Variants in ADGRG7 observed in about 807,000 individuals in gnomAD.
ADGRG7 encodes adhesion G protein-coupled receptor G7.
In ADGRG7, 82 loss-of-function variants were observed where a neutral mutation model predicts 88.6. That is an observed-to-expected ratio of 0.93 (90% CI 0.77 to 1.11). The LOEUF is 1.11. Among genes scored for constraint, ADGRG7 ranks in the 50% most tolerant of loss-of-function variants. ADGRG7 has a pLI of 0.00. For missense variants in ADGRG7, 945 were observed against 953.4 expected, an observed-to-expected ratio of 0.99 and a Z score of 0.12; for synonymous variants, 381 against 345.2, an observed-to-expected ratio of 1.10 and a Z score of -1.15.
chr3:100,643,123 C>G (rs1576321724), intron 6 of ADGRG7, 143 bp from the exon 7 acceptor site: 8 of 740,318 alleles, frequency 1.1e-5, no homozygotes, highest in Non-Finnish European at 1.5e-5. Flanking sequence ...GAAAAGAAAA[C>G]CAATTATTCT....
At chr3:100,619,469 T>C (rs1270460813) in intron 1 of ADGRG7, among the ~76,000 whole-genome samples, 1 of 151,928 alleles carries the variant, frequency 6.6e-6, no homozygotes, top group Non-Finnish European at 1.5e-5. Flanking sequence ...AGATCTAAAA[T>C]TGACACCCTA....
At chr3:100,613,530 C>A (rs1330556910) in intron 1 of ADGRG7, among the ~76,000 whole-genome samples, 9 of 111,438 alleles carry the variant, frequency 8.1e-5, no homozygotes, top group African/African-American at 2.2e-4. Flanking sequence ...CATAACCACC[C>A]CCTAAATTAA....
chr3:100,661,620 T>C (rs1291396983), intron 14 of ADGRG7, among the ~76,000 whole-genome samples: 1 of 152,216 alleles, frequency 6.6e-6, no homozygotes, highest in Non-Finnish European at 1.5e-5. Context: ...TGAGATTATA[T>C]TGGACCATGG....
At chr3:100,658,983 CT>C (rs1235168361) in intron 13 of ADGRG7, among the ~76,000 whole-genome samples, 2 of 150,530 alleles carry the variant, frequency 1.3e-5, no homozygotes, top group Admixed American at 1.3e-4. Flanking sequence ...TAGGTGGTTA[CT>C]ATTATTCTCA....
intron 6 of ADGRG7, among the ~76,000 whole-genome samples, chr3:100,638,644 T>A (rs2149021805): frequency 6.6e-6 from 1 of 152,312 alleles, no homozygotes; most frequent in South Asian, 2.1e-4. Context: ...GGCCTGAAGG[T>A]TTCCCCCTGG....
intron 4 of ADGRG7, chr3:100,635,423 A>G: frequency 1.9e-6 from 1 of 523,584 alleles, no homozygotes; most frequent in Non-Finnish European, 2.9e-6. Context: ...GATACACTCT[A>G]GTAGCCCCAA....
chr3:100,651,439 C>A (rs891730322), intron 11 of ADGRG7, among the ~76,000 whole-genome samples: 3 of 152,190 alleles, frequency 2.0e-5, no homozygotes, highest in Non-Finnish European at 4.4e-5. Context: ...AGTTTCTTTG[C>A]CAAAACCTCA....
rs1287033554 is a variant in ADGRG7, at chr3:100,655,994, A to C, written c.1822A>C (p.Ile608Leu). Reference protein sequence around the residue: ...QWELDYRQEKICWLAIPEPNG... With the variant: ...QWELDYRQEKLCWLAIPEPNG... ...GGAATTAGACTACCGGCAAGAGAAA[A>C]TGTGAGTTTATATTTTTTTAAATGT... Residue 608 changes from isoleucine to leucine, a missense_variant and splice_region_variant, in exon 13 of 16, where the codon ATC becomes CTC. Ile to Leu is a conservative substitution (Grantham distance 5, BLOSUM62 2). Transcript: ENST00000273352. 6.3e-7 allele frequency: 1 copy of C among 1,584,940 alleles called. No homozygotes were observed. Among genetic ancestry groups the C allele is most frequent in the Admixed American group, 1.7e-5 (1 of 59,966 alleles).
intron 1 of ADGRG7, among the ~76,000 whole-genome samples, chr3:100,628,024 T>C (rs1707404691): frequency 6.6e-6 from 1 of 152,078 alleles, no homozygotes; most frequent in South Asian, 2.1e-4. Context: ...AAACTTTGAG[T>C]TTCTTTTCTA....
At chr3:100,690,389 C>A (rs1045185866) in intron 15 of ADGRG7, among the ~76,000 whole-genome samples, 1 of 152,220 alleles carries the variant, frequency 6.6e-6, no homozygotes, top group African/African-American at 2.4e-5. Flanking sequence ...AAGTCATTCT[C>A]CATCCAGCTT....
chr3:100,610,100 G>A (rs1707125863), intron 1 of ADGRG7, 129 bp downstream of exon 1: 5 of 673,660 alleles, frequency 7.4e-6, no homozygotes, highest in South Asian at 7.0e-5. Context: ...TGCCATTTAT[G>A]GGATATAAAA....
rs114537285 is a variant in ADGRG7 at position 100,665,488 on chromosome 3, C to T, written c.1980-3461C>T. On this transcript the variant is annotated intron_variant, in intron 14 of 15. Coordinates refer to ENST00000273352, the MANE Select transcript of ADGRG7 (RefSeq NM_032787.3). The stretch of plus-strand genomic sequence containing the variant: ...AAAGACTCACTCATTTCCTTTCCGC[C>T]GTCAGTGGCCTGTTGCCTTCACTTG... 3,786 of 513,540 alleles carry T rather than the reference C, an allele frequency of 7.4e-3. 120 individuals are homozygous for T. Among genetic ancestry groups the T allele is most frequent in the African/African-American group, 0.067 (3,445 of 51,404 alleles). The allele number at this position is 513,540 out of a possible 1,614,324, so 31.8% of individuals were successfully genotyped here.
chr3:100,631,613 A>G (rs941743577), intron 3 of ADGRG7, among the ~76,000 whole-genome samples: 1 of 152,180 alleles, frequency 6.6e-6, no homozygotes, highest in Non-Finnish European at 1.5e-5. Context: ...TATCTCAAGA[A>G]TACAGCCAAT....
intron 1 of ADGRG7, among the ~76,000 whole-genome samples, chr3:100,615,075 TGGTAA>T: frequency 6.6e-6 from 1 of 152,150 alleles, no homozygotes; most frequent in African/African-American, 2.4e-5. Context: ...TTGCAATCAA[TGGTAA>T]AGGCAGGCAC....
intron 15 of ADGRG7, among the ~76,000 whole-genome samples, chr3:100,691,540 A>G (rs938421366): frequency 2.6e-5 from 4 of 151,922 alleles, no homozygotes; most frequent in Non-Finnish European, 5.9e-5. Flanking sequence ...CCCTTTTTAA[A>G]CATAAATTAT....
intron 3 of ADGRG7, 48 bp downstream of exon 3, chr3:100,630,857 T>TA: frequency 1.9e-6 from 2 of 1,037,040 alleles, no homozygotes; most frequent in Admixed American, 2.9e-5. Context: ...ATTACTATGC[T>TA]GAGTCATACC....
At position 100,629,614 on chromosome 3, in the gene ADGRG7, A is replaced by G. The variant is rs777568226; in HGVS notation, c.132A>G (p.Ser44=). ...IRIQRGKSTS[S]SSTPTEFCRN... ...TTTCTTTAGGAAAATCTACTTCCTCATCAAGCACCCCTACAGAGTTCTGCA... is the reference window on the plus strand; with the variant it reads ...TTTCTTTAGGAAAATCTACTTCCTCGTCAAGCACCCCTACAGAGTTCTGCA... The change falls in exon 2 of 16, where the codon TCA becomes TCG. Residue 44 remains serine (S), a synonymous_variant. Transcript: ENST00000273352. 1.2e-6 allele frequency: 2 copies of G among 1,612,572 alleles called. No individual in the cohort carries two copies. The highest frequency in any genetic ancestry group is 1.7e-6 in the Non-Finnish European group (2 of 1,178,844).
At chr3:100,661,941 A>C (rs945985397) in intron 14 of ADGRG7, among the ~76,000 whole-genome samples, 1 of 152,184 alleles carries the variant, frequency 6.6e-6, no homozygotes, top group Non-Finnish European at 1.5e-5. Context: ...TATAGATTCC[A>C]GTATTATCAG....
chr3:100,651,178 T>C (rs959701105), intron 11 of ADGRG7, among the ~76,000 whole-genome samples: 1 of 152,228 alleles, frequency 6.6e-6, no homozygotes, highest in African/African-American at 2.4e-5. Context: ...AATACAAAAC[T>C]ATGAACAGAC....
Sources: allele counts gnomAD v4.1 joint callset (sites outside exome capture counted in the v4.1 genomes callset), GRCh38; gene constraint gnomAD v4.1.1; transcripts MANE v1.5; gene names NCBI Gene and HGNC (gene_info 2026-07-23, HGNC 2026-07-21).